MAN2A1: variants seen among roughly 807,000 people sequenced by gnomAD.
The protein encoded by MAN2A1 is mannosidase alpha class 2A member 1, also known as alpha-mannosidase 2.
A neutral mutation model predicts 142.6 loss-of-function variants in MAN2A1; 76 were observed. The observed-to-expected ratio is 0.53, with a 90% CI of 0.44 to 0.65. The LOEUF (loss-of-function observed/expected upper bound fraction) is 0.65. Among genes scored for constraint, MAN2A1 ranks in the 30% least tolerant of loss-of-function variants. MAN2A1 has a pLI of 0.00. For synonymous variants in MAN2A1, 559 were observed against 473.2 expected (o/e 1.18, Z -2.35); for missense variants, 1,311 against 1,365.1 (o/e 0.96, Z 0.62).
intron 5 of MAN2A1, 87 bp from the exon 6 acceptor site, chr5:109,767,448 C>T: frequency 9.3e-7 from 1 of 1,074,420 alleles, no homozygotes; most frequent in South Asian, 1.5e-5. Context: ...GGAGACTATA[C>T]AATGACAATG....
At chr5:109,720,584 G>T (rs1330415957) in intron 3 of MAN2A1, among the ~76,000 whole-genome samples, 2 of 152,066 alleles carry the variant, frequency 1.3e-5, no homozygotes, top group Non-Finnish European at 2.9e-5. Context: ...TCTCTATTAG[G>T]GGTGTCCAAT....
intron 1 of MAN2A1, among the ~76,000 whole-genome samples, chr5:109,701,804 A>T (rs1750991662): frequency 6.6e-6 from 1 of 152,222 alleles, no homozygotes; most frequent in South Asian, 2.1e-4. Flanking sequence ...GGCTTGAATC[A>T]GAAAATTTCT....
At chr5:109,841,522 G>T (rs11241039) in intron 16 of MAN2A1, among the ~76,000 whole-genome samples, 4 of 151,970 alleles carry the variant, frequency 2.6e-5, no homozygotes, top group African/African-American at 9.7e-5. Flanking sequence ...AAGTGTGTTG[G>T]ATTTCCTCTT....
rs11343270 is a variant in MAN2A1 at position 109,748,401 on chromosome 5, C to CT, written c.708-6914dup. Among the ~76,000 whole-genome samples, 907 of 133,802 alleles carry CT rather than the reference C, an allele frequency of 6.8e-3. 5 individuals carry two copies. The highest frequency in any genetic ancestry group is 0.026 in the East Asian group (117 of 4,564). The allele number at this position is 133,802 out of a possible 152,430, so 87.8% of individuals were successfully genotyped here. On this transcript the variant is annotated intron_variant, in intron 4 of 21. Coordinates refer to ENST00000261483, the MANE Select transcript of MAN2A1 (RefSeq NM_002372.4). Reference sequence around the variant, plus strand: ...GAAATATCTGCATTGTATCTTTTGCCTTTTTTTTTTTTTTGCATTATCAGT... The same window carrying CT: ...GAAATATCTGCATTGTATCTTTTGCCTTTTTTTTTTTTTTTGCATTATCAGT...
At chr5:109,798,035 A>G (rs1463970796) in intron 12 of MAN2A1, among the ~76,000 whole-genome samples, 1 of 151,794 alleles carries the variant, frequency 6.6e-6, no homozygotes, top group African/African-American at 2.4e-5. Flanking sequence ...ATGAATTAAA[A>G]TTAGCAATTA....
chr5:109,794,247 G>T (rs1370829669), intron 12 of MAN2A1: 1 of 152,162 alleles, frequency 6.6e-6, no homozygotes, highest in Non-Finnish European at 1.5e-5. Flanking sequence ...AGTGAGTCTG[G>T]TGAAAGAGCT....
intron 4 of MAN2A1, among the ~76,000 whole-genome samples, chr5:109,729,885 A>G (rs10463601): frequency 0.74 from 112,930 of 151,914 alleles, 43,173 homozygotes; most frequent in East Asian, 0.94. Context: ...CCAACTACTC[A>G]GGAGGCTCAG....
At chr5:109,851,417 G>A (rs750133430) in intron 19 of MAN2A1, among the ~76,000 whole-genome samples, 29 of 152,148 alleles carry the variant, frequency 1.9e-4, no homozygotes, top group Non-Finnish European at 4.0e-4. Flanking sequence ...GAGGCTTTTG[G>A]GTCATGGGGG....
At chr5:109,702,981 C>T (rs1296190976) in intron 1 of MAN2A1, among the ~76,000 whole-genome samples, 2 of 151,982 alleles carry the variant, frequency 1.3e-5, no homozygotes, top group Non-Finnish European at 2.9e-5. Flanking sequence ...ATGAGACTTG[C>T]CTAAATACCT....
chr5:109,828,402 C>T (rs1754816511), intron 16 of MAN2A1, among the ~76,000 whole-genome samples: 1 of 152,174 alleles, frequency 6.6e-6, no homozygotes, highest in Non-Finnish European at 1.5e-5. Flanking sequence ...ACAGAAGCTC[C>T]TGTATCCTCT....
rs1466733420 is a variant in MAN2A1, at chr5:109,789,500, AT to A, written c.1917del (p.Asn639LysfsTer2). The A allele has an allele frequency of 6.3e-7, 1 of 1,590,036 alleles. No individual in the cohort carries two copies. The highest frequency in any genetic ancestry group is 2.3e-5 in the East Asian group (1 of 44,266). ...TCACAAGATTCTCTGCCACAAAAAAATATAATAAGGCTGAGTGCGGAGCCAA... is the reference window on the plus strand; with the variant it reads ...TCACAAGATTCTCTGCCACAAAAAAAATAATAAGGCTGAGTGCGGAGCCAA... ...QKSQDSLPQK[N>X]IIRLSAEPRY... On this transcript the variant is annotated frameshift_variant, in exon 12 of 22. Coordinates refer to ENST00000261483, the MANE Select transcript of MAN2A1 (RefSeq NM_002372.4). LOFTEE classifies it high-confidence loss of function.
chr5:109,789,805 T>G (rs946112424), intron 12 of MAN2A1, among the ~76,000 whole-genome samples: 2 of 151,846 alleles, frequency 1.3e-5, no homozygotes, highest in Admixed American at 1.3e-4. Context: ...CATTTTCTTA[T>G]CTCTATAAAA....
rs186086723 is a variant in MAN2A1 at position 109,720,861 on chromosome 5, G to A, written c.535+4597G>A. 1.9e-3 allele frequency among the ~76,000 whole-genome samples: 289 copies of A among 152,286 alleles called. 3 individuals carry two copies. The highest frequency in any genetic ancestry group is 6.6e-3 in the African/African-American group (275 of 41,560). On this transcript the variant is annotated intron_variant, in intron 3 of 21. Transcript: ENST00000261483. ...GAACTTTACTGATCAGAATGAGATG[G>A]TCATCGGAAGGAGAAGTTGTACGTG...
intron 8 of MAN2A1, among the ~76,000 whole-genome samples, chr5:109,779,524 T>C (rs892284673): frequency 1.2e-4 from 18 of 151,720 alleles, no homozygotes; most frequent in African/African-American, 4.1e-4. Context: ...TTTCCTTCTA[T>C]TCGTGACTCA....
chr5:109,830,637 A>G (rs907131191), intron 16 of MAN2A1, among the ~76,000 whole-genome samples: 3 of 152,194 alleles, frequency 2.0e-5, no homozygotes, highest in African/African-American at 7.2e-5. Context: ...ATTTTTTTCC[A>G]TAGCTATATT....
chr5:109,772,172 A>T (rs948109430), intron 7 of MAN2A1, among the ~76,000 whole-genome samples: 4 of 151,986 alleles, frequency 2.6e-5, no homozygotes, highest in African/African-American at 9.7e-5. Flanking sequence ...AGGCAGGCGG[A>T]TTTTCTGAGC....
intron 1 of MAN2A1, among the ~76,000 whole-genome samples, chr5:109,707,466 G>C (rs866635201): frequency 6.6e-6 from 1 of 152,222 alleles, no homozygotes; most frequent in Middle Eastern, 3.4e-3. Context: ...AGTACATTGA[G>C]TAAAACAGCT....
At chr5:109,706,764 TAAATG>T (rs1469434335) in intron 1 of MAN2A1, among the ~76,000 whole-genome samples, 1 of 152,010 alleles carries the variant, frequency 6.6e-6, no homozygotes, top group Non-Finnish European at 1.5e-5. Flanking sequence ...AAAAAAAACA[TAAATG>T]AAAGGTGGTA....
chr5:109,713,319 C>T (rs370148306), intron 1 of MAN2A1, among the ~76,000 whole-genome samples: 5 of 152,068 alleles, frequency 3.3e-5, no homozygotes, highest in Admixed American at 1.3e-4. Flanking sequence ...ATTGCAGCCG[C>T]GGAGAAGATT....
Sources: gnomAD v4.1 joint callset for allele counts (sites outside exome capture counted in the v4.1 genomes callset) on GRCh38, gnomAD v4.1.1 for gene constraint, MANE v1.5 for transcripts, NCBI Gene and HGNC (gene_info 2026-07-23, HGNC 2026-07-21) for gene names.